The following NGF variants were observed in gnomAD, a reference collection of about 807,000 sequenced individuals.
The protein encoded by NGF is beta-nerve growth factor.
In NGF, 4 loss-of-function variants were observed where a neutral mutation model predicts 12.8. That is an observed-to-expected ratio of 0.31 (90% CI 0.15 to 0.72). The LOEUF (loss-of-function observed/expected upper bound fraction) is 0.72. NGF is among the 30% of genes least tolerant of loss of function. NGF has a pLI of 0.69. For synonymous variants in NGF, 140 were observed against 130.0 expected, an observed-to-expected ratio of 1.08 and a Z score of -0.52; for missense variants, 283 against 330.8, an observed-to-expected ratio of 0.86 and a Z score of 1.12.
chr1:115,303,719 T>C (rs1177900646), intron 1 of NGF, among the ~76,000 whole-genome samples: 1 of 152,174 alleles, frequency 6.6e-6, no homozygotes, highest in Non-Finnish European at 1.5e-5. Flanking sequence ...ACCATCATCA[T>C]CATCCCCATC....
intron 1 of NGF, among the ~76,000 whole-genome samples, chr1:115,313,616 G>T (rs1254983370): frequency 6.8e-6 from 1 of 147,876 alleles, no homozygotes; most frequent in African/African-American, 2.7e-5. Context: ...ATGCATAATT[G>T]TTTGTTTTCT....
At chr1:115,331,072 A>G (rs1654909294) in intron 1 of NGF, among the ~76,000 whole-genome samples, 1 of 151,998 alleles carries the variant, frequency 6.6e-6, no homozygotes, top group African/African-American at 2.4e-5. Flanking sequence ...CTTGAAAAGC[A>G]ATTGTCTGCA....
chr1:115,323,764 G>A (rs922346875), intron 1 of NGF, among the ~76,000 whole-genome samples: 8 of 152,312 alleles, frequency 5.3e-5, no homozygotes, highest in South Asian at 2.1e-4. Context: ...ATAAAATGAG[G>A]TGTTGGCCAG....
intron 1 of NGF, among the ~76,000 whole-genome samples, chr1:115,337,256 G>GTTTTTTTTT (rs1364127314): frequency 1.1e-4 from 3 of 27,200 alleles, no homozygotes; most frequent in African/African-American, 5.0e-4. Flanking sequence ...AATTTTTTTT[G>GTTTTTTTTT]TTTTGTTTTT....
In NGF at chr1:115,286,051, G is replaced by GA. The variant is rs758257834; in HGVS notation, c.*18dup. On this transcript the variant is annotated 3_prime_UTR_variant, in exon 3 of 3. Transcript: ENST00000369512. Reference sequence around the variant, plus strand: ...CAGGAGAGTGTAGAAGGGGCAGGGGGAGGGAGCGTGTCGGCAGGTCAGGCT... The same window carrying GA: ...CAGGAGAGTGTAGAAGGGGCAGGGGGAAGGGAGCGTGTCGGCAGGTCAGGCT... 2.4e-5 allele frequency: 38 copies of GA among 1,612,236 alleles called. No homozygotes were observed. Among genetic ancestry groups the GA allele is most frequent in the Non-Finnish European group, 3.2e-5 (38 of 1,179,374 alleles).
In NGF at chr1:115,286,609, C is replaced by T. The variant is rs750829893; in HGVS notation, c.187G>A (p.Val63Met). Residue 63 changes from valine to methionine, a missense_variant, in exon 3 of 3, where the codon GTG (valine) becomes ATG (methionine). By Grantham distance (21) the Val-to-Met change is conservative (BLOSUM62 1). Transcript: ENST00000369512. ...SAPAAAIAAR[V>M]AGQTRNITVD... ...GTAATGTTGCGGGTCTGCCCCGCCA[C>T]GCGTGCAGCTATCGCCGCTGCCGGG... 21 of 1,614,068 alleles carry T rather than the reference C, an allele frequency of 1.3e-5. No homozygotes were observed. Among genetic ancestry groups the T allele is most frequent in the Non-Finnish European group, 1.7e-5 (20 of 1,180,044 alleles).
At chr1:115,329,878 TAG>T (rs1467137508) in intron 1 of NGF, among the ~76,000 whole-genome samples, 2 of 151,862 alleles carry the variant, frequency 1.3e-5, no homozygotes, top group Non-Finnish European at 2.9e-5. Context: ...ATCTGCTTAG[TAG>T]CTAGGACTTA....
At chr1:115,293,204 C>T (rs1023705584) in intron 2 of NGF, among the ~76,000 whole-genome samples, 17 of 152,104 alleles carry the variant, frequency 1.1e-4, no homozygotes, top group Admixed American at 1.1e-3. Flanking sequence ...CGGAGCCACA[C>T]CTCCTGTGTG....
At chr1:115,336,904 TG>T (rs1234595176) in intron 1 of NGF, among the ~76,000 whole-genome samples, 2 of 152,172 alleles carry the variant, frequency 1.3e-5, no homozygotes, top group Non-Finnish European at 2.9e-5. Context: ...TGGCAGTGGG[TG>T]TGCCCAGAGG....
intron 1 of NGF, among the ~76,000 whole-genome samples, chr1:115,331,606 A>G (rs2101055879): frequency 6.6e-6 from 1 of 152,304 alleles, no homozygotes; most frequent in East Asian, 1.9e-4. Context: ...TCAGTCTCAA[A>G]GTTTTGGCTT....
rs912356767 is a variant in NGF at position 115,296,645 on chromosome 1, A to G, written c.-136-2895T>C. ...TGCTATATTTGAAACTCTGTCCAGC[A>G]TTTCCTATGCCTTTGGCCTTGTCTT... is the stretch of plus-strand genomic sequence containing the variant. On this transcript the variant is annotated intron_variant, in intron 1 of 2. Coordinates refer to ENST00000369512, the MANE Select transcript of NGF (RefSeq NM_002506.3). Among the ~76,000 whole-genome samples, 4 of 152,174 alleles carry G rather than the reference A, an allele frequency of 2.6e-5. No individual in the cohort carries two copies. In the South Asian group the frequency reaches 6.2e-4, roughly 24 times the overall value.
intron 1 of NGF, among the ~76,000 whole-genome samples, chr1:115,305,524 T>A (rs1204110374): frequency 6.6e-6 from 1 of 152,248 alleles, no homozygotes; most frequent in Non-Finnish European, 1.5e-5. Flanking sequence ...TAGGTGGGAT[T>A]CTGTGCATCT....
chr1:115,325,383 CCTGTGCATGTTGTTTTG>C (rs1404472190), intron 1 of NGF, among the ~76,000 whole-genome samples: 90 of 152,150 alleles, frequency 5.9e-4, no homozygotes, highest in Non-Finnish European at 9.9e-4. Flanking sequence ...AGGTGCTTGT[CCTGTGCATGTTGTTTTG>C]CTGTGCATGT....
Position 115,286,020 on chromosome 1 carries a change from G to C in NGF, c.*50C>G, listed in dbSNP as rs1653485061. 6.3e-7 allele frequency: 1 copy of C among 1,592,702 alleles called. No homozygotes were observed. The highest frequency in any genetic ancestry group is 2.2e-5 in the East Asian group (1 of 44,512). ...AATAATTTACAGGTTGAGGTAGGGA[G>C]GGGCCCAGGAGAGTGTAGAAGGGGC... is the stretch of plus-strand genomic sequence containing the variant. On this transcript the variant is annotated 3_prime_UTR_variant, in exon 3 of 3. Coordinates refer to ENST00000369512, the MANE Select transcript of NGF (RefSeq NM_002506.3).
rs181255687 is a variant in NGF at position 115,286,753 on chromosome 1, C to G, written c.43G>C (p.Gly15Arg). Residue 15 changes from glycine (G) to arginine (R), a missense_variant, in exon 3 of 3, where the codon GGC (glycine) becomes CGC (arginine). Around this residue, in one of 2 missense-constraint regions of NGF, gnomAD observed 151 missense variants for 141.6 expected, o/e 1.07. Coordinates refer to ENST00000369512, the MANE Select transcript of NGF (RefSeq NM_002506.3). ...FYTLITAFLI[G>R]IQAEPHSESN... is the part of the protein sequence containing the mutation. ...TCTGAGTGTGGTTCCGCCTGTATGCCGATCAGAAAAGCTGTGATCAGAGTG... is the reference window on the plus strand; with the variant it reads ...TCTGAGTGTGGTTCCGCCTGTATGCGGATCAGAAAAGCTGTGATCAGAGTG... 1.2e-5 allele frequency: 19 copies of G among 1,614,040 alleles called. No individual in the cohort carries two copies. In the Admixed American group the frequency reaches 2.8e-4, roughly 24 times the overall value.
chr1:115,328,996 A>G (rs1654842217), intron 1 of NGF, among the ~76,000 whole-genome samples: 1 of 152,148 alleles, frequency 6.6e-6, no homozygotes, highest in Non-Finnish European at 1.5e-5. Flanking sequence ...AACATTGTCA[A>G]TAGTTCTGAT....
At chr1:115,299,869 A>G (rs986288518) in intron 1 of NGF, among the ~76,000 whole-genome samples, 6 of 152,200 alleles carry the variant, frequency 3.9e-5, no homozygotes, top group Admixed American at 1.3e-4. Flanking sequence ...CTTAGGACTA[A>G]TAGCAGACAG....
intron 1 of NGF, among the ~76,000 whole-genome samples, chr1:115,337,277 T>TG (rs1557950856): frequency 4.0e-5 from 3 of 75,474 alleles, no homozygotes; most frequent in African/African-American, 9.2e-5. Context: ...GTTTTTTTTT[T>TG]TTTTTTTTTT....
intron 1 of NGF, among the ~76,000 whole-genome samples, chr1:115,310,938 A>C (rs1163840284): frequency 6.6e-6 from 1 of 152,064 alleles, no homozygotes; most frequent in African/African-American, 2.4e-5. Flanking sequence ...ACAGATATTT[A>C]ATACATGCCT....
Sources: gnomAD v4.1 joint callset for allele counts (sites outside exome capture counted in the v4.1 genomes callset) on GRCh38, gnomAD v4.1.1 for gene constraint, gnomAD v4.1.1 regional missense constraint, MANE v1.5 for transcripts, NCBI Gene and HGNC (gene_info 2026-07-23, HGNC 2026-07-21) for gene names.